UNC13C: variants seen among roughly 807,000 people sequenced by gnomAD.
The protein encoded by UNC13C is protein unc-13 homolog C.
Under a neutral mutation model 245.4 loss-of-function variants are expected in UNC13C, and 174 were observed. The observed-to-expected ratio is 0.71, with a 90% CI of 0.63 to 0.80. The LOEUF is 0.80. Ranked by LOEUF, UNC13C falls within the 30% of genes least tolerant of loss-of-function variation. The pLI, the probability that UNC13C is intolerant of heterozygous loss-of-function variation, is 0.00. For missense variants in UNC13C, 2,829 were observed against 2,602.9 expected (o/e 1.09, Z -1.89); for synonymous variants, 992 against 895.1 (o/e 1.11, Z -1.93).
chr15:54,617,584 A>G (rs893850190), intron 30 of UNC13C, among the ~76,000 whole-genome samples: 2 of 152,150 alleles, frequency 1.3e-5, no homozygotes, highest in Non-Finnish European at 2.9e-5. Context: ...CCTGGCATAC[A>G]TAGGTAATAA....
At chr15:54,466,906 T>C (rs185960845) in intron 19 of UNC13C, among the ~76,000 whole-genome samples, 1 of 152,028 alleles carries the variant, frequency 6.6e-6, no homozygotes, top group East Asian at 1.9e-4. Flanking sequence ...TAAAATATTA[T>C]GATAAATTGG....
the UNC13C span, among the ~76,000 whole-genome samples, chr15:53,927,167 AAAGTT>A: frequency 1.3e-5 from 2 of 152,210 alleles, no homozygotes; most frequent in Admixed American, 6.5e-5. Context: ...ACAAAACAGA[AAAGTT>A]AAGTAACACT....
At chr15:54,215,547 A>G (rs2035014376) in intron 4 of UNC13C, among the ~76,000 whole-genome samples, 1 of 152,022 alleles carries the variant, frequency 6.6e-6, no homozygotes, top group Non-Finnish European at 1.5e-5. Context: ...AGTGTTAAGG[A>G]GCATTATTGA....
intron 30 of UNC13C, among the ~76,000 whole-genome samples, chr15:54,590,430 T>A (rs1898724343): frequency 6.6e-6 from 1 of 152,224 alleles, no homozygotes; most frequent in Non-Finnish European, 1.5e-5. Context: ...ATGGGATGTG[T>A]TTCCATTTGT....
At chr15:53,981,704 A>G (rs1206139603) in intron 1 of UNC13C, among the ~76,000 whole-genome samples, 7 of 152,146 alleles carry the variant, frequency 4.6e-5, no homozygotes, top group African/African-American at 7.2e-5. Flanking sequence ...TATAATCTCT[A>G]CAGAGAAAAT....
chr15:54,149,963 A>G (rs2032444098), intron 4 of UNC13C, among the ~76,000 whole-genome samples: 1 of 152,224 alleles, frequency 6.6e-6, no homozygotes, highest in African/African-American at 2.4e-5. Context: ...GCCATTTTAT[A>G]TAAGGCAGTT....
At chr15:53,880,054 A>G in the UNC13C span, among the ~76,000 whole-genome samples, 1 of 151,946 alleles carries the variant, frequency 6.6e-6, no homozygotes, top group Non-Finnish European at 1.5e-5. Context: ...TGTTTAAATC[A>G]TGTAGTTACT....
chr15:54,535,889 G>A (rs1895962322), intron 26 of UNC13C, among the ~76,000 whole-genome samples: 1 of 152,022 alleles, frequency 6.6e-6, no homozygotes, highest in Non-Finnish European at 1.5e-5. Flanking sequence ...AGATCAAAAA[G>A]TTAGAAATTA....
chr15:53,842,282 T>A, the UNC13C span, among the ~76,000 whole-genome samples: 1 of 152,218 alleles, frequency 6.6e-6, no homozygotes, highest in African/African-American at 2.4e-5. Flanking sequence ...AAAGTATAAA[T>A]AATTTATGTT....
chr15:54,187,253 A>G (rs1413950983), intron 4 of UNC13C, among the ~76,000 whole-genome samples: 3 of 152,012 alleles, frequency 2.0e-5, no homozygotes, highest in African/African-American at 7.2e-5. Context: ...CCTGACTTGG[A>G]CTTTTACCAT....
chr15:54,249,325 A>G (rs1427182921), intron 7 of UNC13C, among the ~76,000 whole-genome samples: 1 of 152,128 alleles, frequency 6.6e-6, no homozygotes, highest in Non-Finnish European at 1.5e-5. Flanking sequence ...TCATTATATA[A>G]TTTGATCTTC....
the UNC13C span, among the ~76,000 whole-genome samples, chr15:53,840,037 C>T: frequency 8.4e-3 from 1,278 of 152,096 alleles, 8 homozygotes; most frequent in Non-Finnish European, 9.6e-3. Flanking sequence ...ATATTTCCAG[C>T]GATTCTTTAC....
chr15:54,591,945 CT>C (rs1467316395), intron 30 of UNC13C, among the ~76,000 whole-genome samples: 1 of 152,026 alleles, frequency 6.6e-6, no homozygotes, highest in Non-Finnish European at 1.5e-5. Flanking sequence ...ATGAACTTTC[CT>C]GTTAACACCA....
At chr15:54,257,605 CCTT>C (rs2036312282) in intron 8 of UNC13C, among the ~76,000 whole-genome samples, 1 of 152,110 alleles carries the variant, frequency 6.6e-6, no homozygotes, top group Non-Finnish European at 1.5e-5. Flanking sequence ...GAGTGGGCTA[CCTT>C]CTTGTATTTT....
intron 28 of UNC13C, among the ~76,000 whole-genome samples, 185 bp downstream of exon 28, chr15:54,549,876 T>G (rs1042971712): frequency 6.6e-6 from 1 of 152,194 alleles, no homozygotes; most frequent in Admixed American, 6.5e-5. Flanking sequence ...GCTTCTGGAT[T>G]AAATTAGAGA....
At chr15:54,217,877 T>C (rs1264625764) in intron 4 of UNC13C, among the ~76,000 whole-genome samples, 1 of 151,812 alleles carries the variant, frequency 6.6e-6, no homozygotes, top group African/African-American at 2.4e-5. Flanking sequence ...TCTTGCTCTT[T>C]CCAGGCATCA....
At chr15:53,948,198 CTTTTTA>C in the UNC13C span, 1 of 152,058 alleles carries the variant, frequency 6.6e-6, no homozygotes, top group African/African-American at 2.4e-5. Flanking sequence ...TTTGTTTACT[CTTTTTA>C]TTTTTAGTTC....
Position 54,332,119 on chromosome 15 carries a change from C to G in UNC13C, c.4494+8C>G. ...GATCTGTCAAAGTATAGGGTATGTACAAATTTACTTGCCTAAAAGAAAACT... is the reference window on the plus strand; with the variant it reads ...GATCTGTCAAAGTATAGGGTATGTAGAAATTTACTTGCCTAAAAGAAAACT... On this transcript the variant is annotated splice_region_variant and intron_variant, in intron 15 of 32. Transcript: ENST00000260323. The G allele has an allele frequency of 6.5e-7, 1 of 1,533,920 alleles. No individual in the cohort carries two copies. Among genetic ancestry groups the G allele is most frequent in the Non-Finnish European group, 8.8e-7 (1 of 1,137,056 alleles).
chr15:54,098,248 C>T (rs1026458676), intron 2 of UNC13C, among the ~76,000 whole-genome samples: 9 of 152,098 alleles, frequency 5.9e-5, no homozygotes, highest in Non-Finnish European at 1.0e-4. Flanking sequence ...GATGTTGGCT[C>T]ACTGCAACCT....
Sources: gnomAD v4.1 joint callset for allele counts (sites outside exome capture counted in the v4.1 genomes callset) on GRCh38, gnomAD v4.1.1 for gene constraint, MANE v1.5 for transcripts, NCBI Gene and HGNC (gene_info 2026-07-23, HGNC 2026-07-21) for gene names.